TBL1X: variants seen among roughly 807,000 people sequenced by gnomAD.
TBL1X encodes transducin beta like 1 X-linked.
A neutral mutation model predicts 50.7 loss-of-function variants in TBL1X; 10 were observed. The ratio of observed to expected loss-of-function variants is 0.20; its 90% CI spans 0.12 to 0.33. TBL1X has a LOEUF of 0.33. Ranked by LOEUF, TBL1X falls within the 10% of genes least tolerant of loss-of-function variation. The pLI is 1.00. For synonymous variants in TBL1X, 190 were observed against 214.7 expected (o/e 0.88, Z 1.01); for missense variants, 340 against 504.4 (o/e 0.67, Z 3.12).
intron 3 of TBL1X, among the ~76,000 whole-genome samples, chrX:9,651,096 C>T (rs1410225979): frequency 2.1e-5 from 2 of 93,054 alleles, no homozygotes; most frequent in African/African-American, 4.1e-5. Flanking sequence ...GTGGTGATCG[C>T]GGCTCACTGC....
chrX:9,532,268 C>T (rs763950728), intron 2 of TBL1X, among the ~76,000 whole-genome samples: 2 of 111,866 alleles, frequency 1.8e-5, no homozygotes, highest in African/African-American at 6.5e-5. Flanking sequence ...GATTTCTGCC[C>T]CACCCTGGAC....
intron 2 of TBL1X, among the ~76,000 whole-genome samples, chrX:9,561,947 C>T (rs1340430488): frequency 8.9e-6 from 1 of 111,795 alleles, no homozygotes; most frequent in Non-Finnish European, 1.9e-5. Flanking sequence ...AACGTGAGTA[C>T]CAGGACCATA....
chrX:9,651,020 T>C (rs1456912024), intron 3 of TBL1X, among the ~76,000 whole-genome samples: 16 of 21,007 alleles, frequency 7.6e-4, no homozygotes, highest in Non-Finnish European at 1.3e-3. Context: ...CCTTTTTTTT[T>C]TTTTTTTTTT....
At chrX:9,580,150 C>G (rs774477162) in intron 2 of TBL1X, among the ~76,000 whole-genome samples, 13 of 111,702 alleles carry the variant, frequency 1.2e-4, no homozygotes, top group African/African-American at 3.9e-4. Flanking sequence ...AGGGAGAACA[C>G]AGCTTGGTTT....
In TBL1X at chrX:9,698,297, T is replaced by TTTGGGGTG. The variant is rs1270359698; in HGVS notation, c.1114+870_1114+871insGGGGTGTT. On this transcript the variant is annotated intron_variant, in intron 12 of 17. Coordinates refer to ENST00000645353, the MANE Select transcript of TBL1X (RefSeq NM_005647.4). ...CTCTTGCTGTTCTAAAGGGATGCTG[T>TTTGGGGTG]TTTGGGGGCTCCCTGAAACCACTCC... Among the ~76,000 whole-genome samples the TTTGGGGTG allele has an allele frequency of 6.3e-5, 7 of 111,316 alleles. No individual in the cohort carries two copies. The East Asian group carries it at 2.0e-3, about 32-fold the overall frequency.
chrX:9,619,910 G>A (rs1301695267), intron 2 of TBL1X, among the ~76,000 whole-genome samples: 1 of 112,455 alleles, frequency 8.9e-6, no homozygotes, highest in Non-Finnish European at 1.9e-5. Context: ...AGTGTCTGGC[G>A]GGAAACAGGC....
chrX:9,716,032 C>T (rs2083276315), intron 17 of TBL1X, among the ~76,000 whole-genome samples, 188 bp from the exon 18 acceptor site: 1 of 112,146 alleles, frequency 8.9e-6, no homozygotes, highest in Middle Eastern at 4.6e-3. Flanking sequence ...TTGCTCGGTC[C>T]GATGTCCAGA....
intron 2 of TBL1X, among the ~76,000 whole-genome samples, chrX:9,562,980 A>G (rs971254069): frequency 4.5e-5 from 5 of 112,339 alleles, no homozygotes; most frequent in African/African-American, 1.6e-4. Flanking sequence ...CCTTGGCACT[A>G]GAATGCTTGG....
intron 5 of TBL1X, among the ~76,000 whole-genome samples, chrX:9,671,904 A>T (rs2082962555): frequency 8.9e-6 from 1 of 112,713 alleles, no homozygotes; most frequent in Non-Finnish European, 1.9e-5. Context: ...AAGTTCTTAC[A>T]TTCCAGATGT....
At chrX:9,540,070 T>C (rs1471268106) in intron 2 of TBL1X, among the ~76,000 whole-genome samples, 1 of 112,467 alleles carries the variant, frequency 8.9e-6, no homozygotes, top group African/African-American at 3.2e-5. Context: ...CAAGAAGTGT[T>C]ACAGTTTAAA....
intron 12 of TBL1X, among the ~76,000 whole-genome samples, chrX:9,697,727 C>T (rs556195856): frequency 6.1e-4 from 68 of 111,389 alleles, no homozygotes; most frequent in Non-Finnish European, 1.1e-3. Flanking sequence ...GCCAAGATTG[C>T]GCTACTGCAC....
chrX:9,581,657 A>G (rs2082443124), intron 2 of TBL1X, among the ~76,000 whole-genome samples: 1 of 111,574 alleles, frequency 9.0e-6, no homozygotes, highest in Non-Finnish European at 1.9e-5. Flanking sequence ...AACATAAGAA[A>G]CCCATTCTAG....
At chrX:9,564,689 C>T (rs1226417960) in intron 2 of TBL1X, among the ~76,000 whole-genome samples, 2 of 107,915 alleles carry the variant, frequency 1.9e-5, no homozygotes, top group Admixed American at 9.9e-5. Context: ...GCCAAGATCG[C>T]GCCACTGCAC....
intron 2 of TBL1X, among the ~76,000 whole-genome samples, chrX:9,528,731 T>C (rs1380775629): frequency 9.6e-6 from 1 of 103,892 alleles, no homozygotes; most frequent in Non-Finnish European, 2.0e-5. Context: ...GGGTGCTGCT[T>C]TGGGGATTGG....
chrX:9,524,221 G>A (rs1008897337), intron 2 of TBL1X, among the ~76,000 whole-genome samples: 1 of 111,741 alleles, frequency 8.9e-6, no homozygotes, highest in Non-Finnish European at 1.9e-5. Context: ...ACCCACCTTG[G>A]CCTCCCGAAG....
chrX:9,551,134 C>T (rs185814554), intron 2 of TBL1X, among the ~76,000 whole-genome samples: 19 of 111,489 alleles, frequency 1.7e-4, no homozygotes, highest in African/African-American at 2.9e-4. Context: ...CTCTGCTCAG[C>T]GCACCCATGA....
At chrX:9,541,410 T>C (rs61549344) in intron 2 of TBL1X, among the ~76,000 whole-genome samples, 4,072 of 111,656 alleles carry the variant, frequency 0.036, 188 homozygotes, top group African/African-American at 0.13. Context: ...CGGTTCTGGC[T>C]AACTGAAGCT....
chrX:9,642,401 G>C (rs2082780316), intron 3 of TBL1X, among the ~76,000 whole-genome samples: 1 of 111,674 alleles, frequency 9.0e-6, no homozygotes, highest in Admixed American at 9.5e-5. Context: ...TGCCTATGCT[G>C]CGTGCTGCGT....
rs1569111597 is a variant in TBL1X, at chrX:9,719,671, A to G, written c.*3425A>G. Reference sequence around the variant, plus strand: ...AAAATCACCTTGTGTGTTGTAGCTCATTTGTTTCAAGAGAGAATCAACAGA... The same window carrying G: ...AAAATCACCTTGTGTGTTGTAGCTCGTTTGTTTCAAGAGAGAATCAACAGA... On this transcript the variant is annotated 3_prime_UTR_variant, in exon 18 of 18. Coordinates refer to ENST00000645353, the MANE Select transcript of TBL1X (RefSeq NM_005647.4). 1 of 111,208 alleles carries G rather than the reference A, an allele frequency of 9.0e-6. No homozygotes were observed. The highest frequency in any genetic ancestry group is 3.3e-5 in the African/African-American group (1 of 30,488). The allele number at this position is 111,208 out of a possible 1,213,427, so 9.2% of individuals were successfully genotyped here.
Sources: gnomAD v4.1 joint callset for allele counts (sites outside exome capture counted in the v4.1 genomes callset) on GRCh38, gnomAD v4.1.1 for gene constraint, MANE v1.5 for transcripts, NCBI Gene and HGNC (gene_info 2026-07-23, HGNC 2026-07-21) for gene names.